The following EVC2 variants were observed in gnomAD, a reference collection of about 807,000 sequenced individuals.
The protein encoded by EVC2 is EvC ciliary complex subunit 2, also known as limbin.
EVC2 carries 148 observed loss-of-function variants against 149.3 expected under a neutral mutation model. That is an observed-to-expected ratio of 0.99 (90% CI 0.87 to 1.14). The LOEUF is 1.14. EVC2 is among the 50% of genes most tolerant of loss of function. EVC2 has a pLI of 0.00. For missense variants in EVC2, 1,854 were observed against 1,627.3 expected (o/e 1.14, Z -2.40); for synonymous variants, 776 against 649.9 (o/e 1.19, Z -2.95).
intron 9 of EVC2, among the ~76,000 whole-genome samples, chr4:5,645,838 A>G (rs1302487996): frequency 6.6e-6 from 1 of 152,236 alleles, no homozygotes; most frequent in Non-Finnish European, 1.5e-5. Context: ...AAGTTGCCAC[A>G]CTGTTTTCCA....
At chr4:5,695,272 T>C (rs532177368) in intron 2 of EVC2, among the ~76,000 whole-genome samples, 6 of 149,756 alleles carry the variant, frequency 4.0e-5, no homozygotes, top group Admixed American at 1.3e-4. Flanking sequence ...CGCTTGAACC[T>C]GGGAGGCGGA....
rs541667310 is a variant in EVC2, at chr4:5,643,004, C to T, written c.1146-2166G>A. 3.9e-5 allele frequency among the ~76,000 whole-genome samples: 6 copies of T among 152,222 alleles called. No individual in the cohort carries two copies. The East Asian group carries it at 5.8e-4, about 15-fold the overall frequency. On this transcript the variant is annotated intron_variant, in intron 9 of 21. Transcript: ENST00000344408. ...GTCAAGGAGTCATACGCAGACAGAC[C>T]GATCAACAGACAGACAGATGTGTGT...
intron 10 of EVC2, among the ~76,000 whole-genome samples, chr4:5,639,656 A>T (rs1717169377): frequency 6.6e-6 from 1 of 152,076 alleles, no homozygotes; most frequent in African/African-American, 2.4e-5. Context: ...GGTTTTTCTG[A>T]CTCTAGAGCC....
intron 16 of EVC2, among the ~76,000 whole-genome samples, chr4:5,594,509 G>C (rs547246205): frequency 6.6e-6 from 1 of 152,152 alleles, no homozygotes; most frequent in Non-Finnish European, 1.5e-5. Context: ...TGCAGCTGAG[G>C]GTCTTGTCTG....
intron 16 of EVC2, among the ~76,000 whole-genome samples, chr4:5,595,364 G>A (rs1203504579): frequency 6.6e-6 from 1 of 152,196 alleles, no homozygotes; most frequent in South Asian, 2.1e-4. Context: ...ACTAACAGCT[G>A]ATCGCTAGGC....
chr4:5,561,915 C>T (rs1240682157), downstream of EVC2, among the ~76,000 whole-genome samples: 1 of 152,110 alleles, frequency 6.6e-6, no homozygotes, highest in Admixed American at 6.5e-5. Flanking sequence ...TCATCCTAAT[C>T]ATCCCCTACT....
At chr4:5,573,318 T>C (rs1427356923) in intron 19 of EVC2, among the ~76,000 whole-genome samples, 8 of 152,168 alleles carry the variant, frequency 5.3e-5, no homozygotes, top group African/African-American at 1.7e-4. Flanking sequence ...TCCAATATAA[T>C]TACCATGTGG....
chr4:5,619,943 A>T (rs1482265062), intron 14 of EVC2, among the ~76,000 whole-genome samples: 1 of 152,230 alleles, frequency 6.6e-6, no homozygotes, highest in African/African-American at 2.4e-5. Flanking sequence ...ATTCAGAGTT[A>T]TCAGCAGAAC....
rs773864526 is a variant in EVC2 at position 5,622,894 on chromosome 4, T to C, written c.2144A>G (p.Glu715Gly). 6 of 1,614,060 alleles carry C rather than the reference T, an allele frequency of 3.7e-6. No homozygotes were observed. In the South Asian group the frequency reaches 6.6e-5, roughly 18 times the overall value. ...CTCCTCCAGGGTGGCACCGTGCTCC[T>C]CCATCAGGCTCCTCTTCTGGTGCAG... ...QYLHQKRSLM[E>G]EHGATLEELQ... The change falls in exon 14 of 22, where the codon GAG becomes GGG. Residue 715 changes from glutamate (E) to glycine (G), a missense_variant. Glu to Gly is a moderately conservative substitution (Grantham distance 98, BLOSUM62 -2). Transcript: ENST00000344408. The surrounding 1 kb of genome is among the most constrained non-coding windows in gnomAD (Gnocchi z 5.8).
chr4:5,664,797 T>G (rs1428013553), intron 8 of EVC2, among the ~76,000 whole-genome samples: 1 of 152,128 alleles, frequency 6.6e-6, no homozygotes, highest in Non-Finnish European at 1.5e-5. Context: ...TCTGCCTCAC[T>G]TCCCACCACC....
chr4:5,659,711 T>G (rs1386941833), intron 9 of EVC2, among the ~76,000 whole-genome samples: 3 of 152,324 alleles, frequency 2.0e-5, no homozygotes, highest in Admixed American at 6.5e-5. Flanking sequence ...GCATCAGGAC[T>G]GGCAAACTGC....
chr4:5,544,725 G>A (rs749433630), intron 21 of EVC2, among the ~76,000 whole-genome samples: 1 of 152,142 alleles, frequency 6.6e-6, no homozygotes, highest in African/African-American at 2.4e-5. Context: ...GAAGAGAGGG[G>A]GTGAGGAGTT....
At chr4:5,547,265 A>G (rs1007754164) in intron 21 of EVC2, among the ~76,000 whole-genome samples, 3 of 152,228 alleles carry the variant, frequency 2.0e-5, no homozygotes, top group Non-Finnish European at 4.4e-5. Context: ...TTGGACACCA[A>G]TAAGCATAGG....
chr4:5,585,255 T>A lies in EVC2; in HGVS notation c.2830-405A>T, dbSNP rs114417541. Among the ~76,000 whole-genome samples, 1,093 of 152,192 alleles carry A rather than the reference T, an allele frequency of 7.2e-3. 7 individuals are homozygous for A. Among genetic ancestry groups the A allele is most frequent in the African/African-American group, 0.025 (1,033 of 41,530 alleles). On this transcript the variant is annotated intron_variant, in intron 16 of 21. Transcript: ENST00000344408. ...GTCTGTTCTTCTGCCCCTACCCCAC[T>A]CACACATGCACAACTGGGAATGCCC...
At chr4:5,635,554 G>T (rs1329551858) in intron 10 of EVC2, among the ~76,000 whole-genome samples, 1 of 152,200 alleles carries the variant, frequency 6.6e-6, no homozygotes, top group African/African-American at 2.4e-5. Context: ...GCCTGCATCA[G>T]GCTGGCTGCA....
At position 5,565,362 on chromosome 4, in the gene EVC2, G is replaced by T. The variant is rs1344986870; in HGVS notation, c.3558-3C>A. ...CTTGCCACCAGCTCTGGTGTTTCCTGCAGGCAAGAAGGGAGTCTTATAGTT... is the reference window on the plus strand; with the variant it reads ...CTTGCCACCAGCTCTGGTGTTTCCTTCAGGCAAGAAGGGAGTCTTATAGTT... On this transcript the variant is annotated splice_polypyrimidine_tract_variant and splice_region_variant and intron_variant, in intron 20 of 21. Coordinates refer to ENST00000344408, the MANE Select transcript of EVC2 (RefSeq NM_147127.5). 6.2e-7 allele frequency: 1 copy of T among 1,613,784 alleles called. No individual in the cohort carries two copies.
At chr4:5,612,763 A>G (rs890212840) in intron 16 of EVC2, among the ~76,000 whole-genome samples, 1 of 151,934 alleles carries the variant, frequency 6.6e-6, no homozygotes, top group Non-Finnish European at 1.5e-5. Context: ...TCTACTAAAA[A>G]TACAAAAAAT....
intron 9 of EVC2, among the ~76,000 whole-genome samples, chr4:5,642,327 T>C (rs1717392786): frequency 6.6e-6 from 1 of 152,252 alleles, no homozygotes; most frequent in South Asian, 2.1e-4. Context: ...CATATTTTTT[T>C]CATAAATGTC....
chr4:5,665,005 T>C (rs1487654872), intron 8 of EVC2, among the ~76,000 whole-genome samples: 1 of 150,270 alleles, frequency 6.7e-6, no homozygotes. Flanking sequence ...GGTGACGGGA[T>C]GCGTGTGGGT....
Sources: gnomAD v4.1 joint callset for allele counts (sites outside exome capture counted in the v4.1 genomes callset) on GRCh38, gnomAD v4.1.1 for gene constraint, Gnocchi (gnomAD v3.1) non-coding constraint, MANE v1.5 for transcripts, NCBI Gene and HGNC (gene_info 2026-07-23, HGNC 2026-07-21) for gene names.